Variants in CFAP299 observed in about 807,000 individuals in gnomAD.
CFAP299 encodes the protein cilia and flagella associated protein 299, also known as cilia- and flagella-associated protein 299.
A neutral mutation model predicts 27.0 loss-of-function variants in CFAP299; 21 were observed. That is an observed-to-expected ratio of 0.78 (90% CI 0.55 to 1.12). CFAP299 has a LOEUF of 1.12. Ranked by LOEUF, CFAP299 falls within the 50% of genes most tolerant of loss-of-function variation. CFAP299 has a pLI of 0.00. For synonymous variants in CFAP299, 104 were observed against 98.1 expected, an observed-to-expected ratio of 1.06 and a Z score of -0.36; for missense variants, 310 against 276.6, an observed-to-expected ratio of 1.12 and a Z score of -0.86.
intron 3 of CFAP299, among the ~76,000 whole-genome samples, chr4:80,868,897 T>TTCTCTC (rs71664822): frequency 0.042 from 5,887 of 141,126 alleles, 370 homozygotes; most frequent in African/African-American, 0.13. Context: ...GGGTGGGGGC[T>TTCTCTC]TCTCTCTCTG....
At chr4:80,893,723 A>G (rs1478027169) in intron 4 of CFAP299, among the ~76,000 whole-genome samples, 1 of 151,950 alleles carries the variant, frequency 6.6e-6, no homozygotes, top group Admixed American at 6.6e-5. Flanking sequence ...AACAAAATAG[A>G]TTAAAGATGT....
chr4:80,398,643 A>G (rs1725955947), intron 2 of CFAP299, among the ~76,000 whole-genome samples: 1 of 152,158 alleles, frequency 6.6e-6, no homozygotes, highest in Non-Finnish European at 1.5e-5. Flanking sequence ...CCACATGTAG[A>G]AAGCTGAAAC....
At chr4:80,729,547 G>T (rs560054149) in intron 3 of CFAP299, among the ~76,000 whole-genome samples, 1 of 151,536 alleles carries the variant, frequency 6.6e-6, no homozygotes, top group East Asian at 2.0e-4. Context: ...GCAGCGTTTG[G>T]AACAGGTTGT....
chr4:80,399,952 A>C (rs1726050071), intron 2 of CFAP299, among the ~76,000 whole-genome samples: 1 of 152,204 alleles, frequency 6.6e-6, no homozygotes, highest in Non-Finnish European at 1.5e-5. Context: ...AGGTTAAAAG[A>C]ATATATATTA....
intron 2 of CFAP299, among the ~76,000 whole-genome samples, chr4:80,517,829 G>A (rs948354606): frequency 3.3e-5 from 5 of 152,122 alleles, no homozygotes; most frequent in Non-Finnish European, 5.9e-5. Context: ...GAGAGTTGAG[G>A]ACATGGTGAG....
intron 3 of CFAP299, among the ~76,000 whole-genome samples, chr4:80,845,953 G>C (rs1418853576): frequency 1.3e-5 from 2 of 152,108 alleles, no homozygotes; most frequent in Non-Finnish European, 2.9e-5. Flanking sequence ...AATATGAAAA[G>C]TGGTAGAAGA....
At chr4:80,951,715 T>C (rs1456825475) in intron 5 of CFAP299, among the ~76,000 whole-genome samples, 2 of 152,224 alleles carry the variant, frequency 1.3e-5, no homozygotes, top group Non-Finnish European at 2.9e-5. Context: ...TAGCTGGATT[T>C]TATATCCACT....
chr4:80,655,660 G>A (rs1026995), intron 3 of CFAP299, among the ~76,000 whole-genome samples: 92,665 of 151,994 alleles, frequency 0.61, 32,191 homozygotes, highest in Non-Finnish European at 0.77. Flanking sequence ...TTGAAACAGT[G>A]AGTAGACACT....
intron 1 of CFAP299, among the ~76,000 whole-genome samples, chr4:80,340,935 C>T (rs1722417973): frequency 6.6e-6 from 1 of 152,046 alleles, no homozygotes; most frequent in South Asian, 2.1e-4. Flanking sequence ...ACCACCACAC[C>T]CAGCTAATTT....
chr4:80,388,579 T>C (rs973847700), intron 2 of CFAP299: 72 of 1,432,922 alleles, frequency 5.0e-5, no homozygotes, highest in African/African-American at 7.3e-5. Context: ...CATCATCCAA[T>C]GGCTGGATAG....
At chr4:80,638,602 C>G (rs1198245969) in intron 3 of CFAP299, among the ~76,000 whole-genome samples, 1 of 152,144 alleles carries the variant, frequency 6.6e-6, no homozygotes, top group Middle Eastern at 3.2e-3. Flanking sequence ...AAGGATGCAG[C>G]TACAGGTCAC....
In CFAP299 at chr4:80,454,062, A is replaced by G. The variant is rs183827035; in HGVS notation, c.242+91178A>G. 1.3e-3 allele frequency among the ~76,000 whole-genome samples: 202 copies of G among 151,992 alleles called. 1 individual carries two copies. The highest frequency in any genetic ancestry group is 1.8e-3 in the Non-Finnish European group (120 of 67,966). Reference sequence around the variant, plus strand: ...TTCAAGGCTTAAAAAATGTATAAACACTCCATAATGAAGATAATGTGAGGT... The same window carrying G: ...TTCAAGGCTTAAAAAATGTATAAACGCTCCATAATGAAGATAATGTGAGGT... On this transcript the variant is annotated intron_variant, in intron 2 of 5. Coordinates refer to ENST00000358105, the MANE Select transcript of CFAP299 (RefSeq NM_152770.3).
At chr4:80,693,068 G>T (rs1320026160) in intron 3 of CFAP299, among the ~76,000 whole-genome samples, 1 of 152,276 alleles carries the variant, frequency 6.6e-6, no homozygotes, top group Non-Finnish European at 1.5e-5. Context: ...ACAGGATGTG[G>T]AAAATAGGAA....
intron 3 of CFAP299, among the ~76,000 whole-genome samples, chr4:80,651,248 TTCC>T: frequency 6.6e-6 from 1 of 150,408 alleles, no homozygotes; most frequent in South Asian, 2.1e-4. Context: ...TCTTCCTTCC[TTCC>T]TTCCTTCCTT....
intron 2 of CFAP299, among the ~76,000 whole-genome samples, chr4:80,445,304 GAA>G (rs1035032992): frequency 2.6e-4 from 40 of 152,304 alleles, no homozygotes; most frequent in African/African-American, 9.4e-4. Context: ...AGTGAATAAA[GAA>G]AATGTGGCAC....
chr4:80,591,126 T>TA (rs1736747610), intron 3 of CFAP299, among the ~76,000 whole-genome samples: 9 of 132,766 alleles, frequency 6.8e-5, no homozygotes, highest in Admixed American at 2.3e-4. Flanking sequence ...TTTTTTTTTT[T>TA]TTTTTATTTT....
intron 2 of CFAP299, chr4:80,387,302 A>G: frequency 6.2e-7 from 1 of 1,611,008 alleles, no homozygotes; most frequent in Non-Finnish European, 8.5e-7. Flanking sequence ...AAATGTGTCG[A>G]GCTTTGGGAA....
intron 2 of CFAP299, among the ~76,000 whole-genome samples, chr4:80,454,171 G>C (rs1729035350): frequency 6.6e-6 from 1 of 152,064 alleles, no homozygotes; most frequent in Non-Finnish European, 1.5e-5. Flanking sequence ...GCAGGATAGA[G>C]TGGCCAGAGT....
chr4:80,631,859 G>C (rs71664812), intron 3 of CFAP299, among the ~76,000 whole-genome samples: 10 of 21,460 alleles, frequency 4.7e-4, no homozygotes, highest in Non-Finnish European at 6.4e-4. Context: ...GAATATTTGT[G>C]CCCCACCCCC....
Sources: gnomAD v4.1 joint callset for allele counts (sites outside exome capture counted in the v4.1 genomes callset) on GRCh38, gnomAD v4.1.1 for gene constraint, MANE v1.5 for transcripts, NCBI Gene and HGNC (gene_info 2026-07-23, HGNC 2026-07-21) for gene names.